Variants in MAF observed in about 807,000 individuals in gnomAD.
MAF encodes transcription factor Maf.
Under a neutral mutation model 22.0 loss-of-function variants are expected in MAF, and 10 were observed. The observed-to-expected ratio is 0.45, with a 90% CI of 0.28 to 0.77. MAF has a LOEUF of 0.77. MAF is among the 30% of genes least tolerant of loss of function. The pLI is 0.12. For synonymous variants in MAF, 337 were observed against 255.8 expected (o/e 1.32, Z -3.03); for missense variants, 544 against 548.4 (o/e 0.99, Z 0.08).
the MAF span, among the ~76,000 whole-genome samples, chr16:79,508,348 C>A: frequency 3.3e-5 from 5 of 152,160 alleles, no homozygotes; most frequent in Non-Finnish European, 7.4e-5. Flanking sequence ...ACTGAGTATT[C>A]ATTTCCCTGA....
chr16:79,272,025 C>A, the MAF span, among the ~76,000 whole-genome samples: 2 of 152,072 alleles, frequency 1.3e-5, no homozygotes, highest in African/African-American at 4.8e-5. Context: ...TTCACACAAA[C>A]AAGGGTAGTT....
the MAF span, among the ~76,000 whole-genome samples, chr16:79,414,621 C>T: frequency 2.6e-5 from 4 of 152,124 alleles, no homozygotes; most frequent in African/African-American, 4.8e-5. Flanking sequence ...CAGAGGTAAA[C>T]AGACACGGAC....
chr16:79,560,435 C>T, the MAF span, among the ~76,000 whole-genome samples: 3 of 151,218 alleles, frequency 2.0e-5, no homozygotes, highest in African/African-American at 7.3e-5. Context: ...AAAAAAAAAC[C>T]TGAACTATTT....
At chr16:79,359,181 G>A in the MAF span, among the ~76,000 whole-genome samples, 1 of 152,126 alleles carries the variant, frequency 6.6e-6, no homozygotes. Flanking sequence ...CACAGTAGCT[G>A]GGGAATGGAG....
At chr16:79,487,836 T>C in the MAF span, among the ~76,000 whole-genome samples, 8 of 152,188 alleles carry the variant, frequency 5.3e-5, no homozygotes, top group South Asian at 2.1e-4. Flanking sequence ...TCCCCCTTGC[T>C]CTTGATGGTA....
chr16:79,469,272 C>T, the MAF span, among the ~76,000 whole-genome samples: 1 of 152,166 alleles, frequency 6.6e-6, no homozygotes, highest in Non-Finnish European at 1.5e-5. Context: ...CAGTCTGGAC[C>T]ACAAAGCCAA....
chr16:79,397,275 GA>G, the MAF span, among the ~76,000 whole-genome samples: 789 of 151,868 alleles, frequency 5.2e-3, 6 homozygotes, highest in African/African-American at 0.018. Flanking sequence ...CCAAGAGGGG[GA>G]AAAAAAAGCA....
chr16:79,338,907 C>G, the MAF span, among the ~76,000 whole-genome samples: 1 of 152,186 alleles, frequency 6.6e-6, no homozygotes, highest in East Asian at 1.9e-4. Context: ...CATGCTCTCT[C>G]TTCCATGACA....
the MAF span, among the ~76,000 whole-genome samples, chr16:79,313,304 A>C: frequency 1.3e-5 from 2 of 152,150 alleles, no homozygotes; most frequent in African/African-American, 2.4e-5. Flanking sequence ...GAAGAAAAAA[A>C]GTCCTGAAGA....
downstream of MAF, among the ~76,000 whole-genome samples, chr16:79,589,361 A>T (rs1913050003): frequency 6.6e-6 from 1 of 152,192 alleles, no homozygotes; most frequent in Non-Finnish European, 1.5e-5. Flanking sequence ...TATAATGTGC[A>T]TCAAACTACA....
the MAF span, among the ~76,000 whole-genome samples, chr16:79,336,287 G>A: frequency 1.8e-3 from 273 of 152,260 alleles, no homozygotes; most frequent in Non-Finnish European, 3.1e-3. Flanking sequence ...CACAACCAAC[G>A]CACAAGGGAA....
chr16:79,244,378 C>T, the MAF span, among the ~76,000 whole-genome samples: 6 of 152,046 alleles, frequency 3.9e-5, no homozygotes, highest in African/African-American at 9.7e-5. Flanking sequence ...TCTCAGCATA[C>T]AAAATCAATG....
At chr16:79,266,474 G>A in the MAF span, among the ~76,000 whole-genome samples, 13 of 152,086 alleles carry the variant, frequency 8.5e-5, no homozygotes, top group African/African-American at 2.9e-4. Flanking sequence ...TATTATCAAA[G>A]TCAGAAAGAT....
the MAF span, among the ~76,000 whole-genome samples, chr16:79,562,573 A>G: frequency 6.6e-6 from 1 of 152,222 alleles, no homozygotes; most frequent in Non-Finnish European, 1.5e-5. Context: ...CTAACACCAC[A>G]GAAGGTCTTT....
chr16:79,354,645 G>A, the MAF span, among the ~76,000 whole-genome samples: 1 of 152,184 alleles, frequency 6.6e-6, no homozygotes, highest in Non-Finnish European at 1.5e-5. Context: ...GATTGGTACT[G>A]GGTGATAGCA....
At chr16:79,480,715 G>GT in the MAF span, among the ~76,000 whole-genome samples, 16 of 152,192 alleles carry the variant, frequency 1.1e-4, no homozygotes, top group Non-Finnish European at 1.9e-4. Flanking sequence ...GAGGTGTGGG[G>GT]TCAGAGTACC....
chr16:79,399,654 A>T, the MAF span, among the ~76,000 whole-genome samples: 3 of 152,186 alleles, frequency 2.0e-5, no homozygotes, highest in African/African-American at 7.2e-5. Flanking sequence ...AGAAAGAACC[A>T]ATGATACAGT....
At chr16:79,214,897 G>T in the MAF span, among the ~76,000 whole-genome samples, 1 of 148,292 alleles carries the variant, frequency 6.7e-6, no homozygotes, top group Non-Finnish European at 1.5e-5. Flanking sequence ...TTTCAGTCGA[G>T]ATGGGTTTGA....
the MAF span, among the ~76,000 whole-genome samples, chr16:79,311,555 G>T: frequency 6.6e-6 from 1 of 151,944 alleles, no homozygotes; most frequent in Non-Finnish European, 1.5e-5. Flanking sequence ...GCAGGCTTTG[G>T]ATGAGTCGGG....
Sources: gnomAD v4.1 joint callset for allele counts (sites outside exome capture counted in the v4.1 genomes callset) on GRCh38, gnomAD v4.1.1 for gene constraint, MANE v1.5 for transcripts, NCBI Gene and HGNC (gene_info 2026-07-23, HGNC 2026-07-21) for gene names.